The following KLF8 variants were observed in gnomAD, a reference collection of about 807,000 sequenced individuals.
The protein encoded by KLF8 is Krueppel-like factor 8.
KLF8 carries 10 observed loss-of-function variants against 18.2 expected under a neutral mutation model. The ratio of observed to expected loss-of-function variants is 0.55; its 90% CI spans 0.34 to 0.93. The LOEUF is 0.93. KLF8 is among the 40% of genes least tolerant of loss of function. The pLI, the probability that KLF8 is intolerant of heterozygous loss-of-function variation, is 0.02. For missense variants in KLF8, 264 were observed against 277.9 expected, an observed-to-expected ratio of 0.95 and a Z score of 0.36; for synonymous variants, 109 against 97.3, an observed-to-expected ratio of 1.12 and a Z score of -0.71.
chrX:56,058,318 A>ATG, the KLF8 span, among the ~76,000 whole-genome samples: 2 of 77,775 alleles, frequency 2.6e-5, no homozygotes, highest in African/African-American at 4.7e-5. Context: ...ATATATATAT[A>ATG]TATAGTGAGT....
the KLF8 span, among the ~76,000 whole-genome samples, chrX:56,087,638 G>T: frequency 7.2e-5 from 8 of 111,428 alleles, no homozygotes; most frequent in Admixed American, 5.8e-4. Flanking sequence ...AGCAATGAGA[G>T]AACAGACTAC....
the KLF8 span, among the ~76,000 whole-genome samples, chrX:56,031,240 CAGGTA>C: frequency 9.0e-6 from 1 of 111,720 alleles, no homozygotes. Flanking sequence ...AAACAAAGAA[CAGGTA>C]AAGAGGGCAC....
At chrX:56,096,874 A>G in the KLF8 span, among the ~76,000 whole-genome samples, 3 of 111,506 alleles carry the variant, frequency 2.7e-5, no homozygotes, top group Non-Finnish European at 5.7e-5. Flanking sequence ...TTAAGATGAT[A>G]CTAAACATTT....
At chrX:56,247,766 GACA>G (rs1453522440) in intron 1 of KLF8, among the ~76,000 whole-genome samples, 1 of 110,773 alleles carries the variant, frequency 9.0e-6, no homozygotes, top group African/African-American at 3.3e-5. Context: ...CGTCTGGTAT[GACA>G]ACAATACCTT....
chrX:56,058,601 G>A, the KLF8 span, among the ~76,000 whole-genome samples: 16 of 106,324 alleles, frequency 1.5e-4, no homozygotes, highest in Admixed American at 1.0e-4. Flanking sequence ...GAACATGTGG[G>A]GTTTTGTTTT....
the KLF8 span, among the ~76,000 whole-genome samples, chrX:55,938,633 T>G: frequency 9.0e-6 from 1 of 110,576 alleles, no homozygotes; most frequent in Non-Finnish European, 1.9e-5. Context: ...GAAACCCATC[T>G]CACGTGCAGA....
the KLF8 span, among the ~76,000 whole-genome samples, chrX:56,086,599 T>A: frequency 1.4e-4 from 16 of 111,005 alleles, no homozygotes. Context: ...AACACAGACA[T>A]TTTTTTCTAA....
the KLF8 span, among the ~76,000 whole-genome samples, chrX:56,164,067 C>T: frequency 2.3e-4 from 25 of 108,051 alleles, no homozygotes; most frequent in African/African-American, 8.4e-4. Flanking sequence ...ACTGGCTTGG[C>T]TATTCAGGCT....
chrX:55,956,120 T>C, the KLF8 span, among the ~76,000 whole-genome samples: 1 of 81,292 alleles, frequency 1.2e-5, no homozygotes, highest in Non-Finnish European at 2.3e-5. Flanking sequence ...CTAATAAATA[T>C]CTATCTATTT....
the KLF8 span, among the ~76,000 whole-genome samples, chrX:56,107,924 C>A: frequency 8.9e-6 from 1 of 111,836 alleles, no homozygotes; most frequent in South Asian, 3.8e-4. Context: ...AATCTTTCAC[C>A]TCCTTGGTAA....
At chrX:55,988,349 T>A in the KLF8 span, among the ~76,000 whole-genome samples, 1 of 111,772 alleles carries the variant, frequency 8.9e-6, no homozygotes, top group East Asian at 2.8e-4. Flanking sequence ...AACATGTAAG[T>A]CTTTAATCCA....
upstream of KLF8, among the ~76,000 whole-genome samples, chrX:56,229,707 C>T (rs971399217): frequency 3.6e-5 from 4 of 111,729 alleles, no homozygotes; most frequent in African/African-American, 1.3e-4. Flanking sequence ...CAGAGGCCAT[C>T]TCTAAAGGAC....
At chrX:56,248,931 G>T (rs2066664689) in intron 1 of KLF8, among the ~76,000 whole-genome samples, 1 of 111,170 alleles carries the variant, frequency 9.0e-6, no homozygotes, top group Non-Finnish European at 1.9e-5. Context: ...TTCTGTCACT[G>T]TCATCAAAAA....
At chrX:56,077,418 T>G in the KLF8 span, among the ~76,000 whole-genome samples, 1 of 112,050 alleles carries the variant, frequency 8.9e-6, no homozygotes, top group Non-Finnish European at 1.9e-5. Context: ...CCATTTCTTG[T>G]TTTTCTCACG....
chrX:56,093,144 C>T, the KLF8 span, among the ~76,000 whole-genome samples: 23 of 110,812 alleles, frequency 2.1e-4, no homozygotes, highest in East Asian at 2.3e-3. Context: ...AACAGTGATG[C>T]CTGAAAATTT....
At chrX:55,968,856 A>G in the KLF8 span, among the ~76,000 whole-genome samples, 1 of 111,927 alleles carries the variant, frequency 8.9e-6, no homozygotes, top group Non-Finnish European at 1.9e-5. Context: ...ACAGACTGAT[A>G]CAGAAGGTCA....
chrX:55,924,848 GC>G, the KLF8 span, among the ~76,000 whole-genome samples: 2 of 62,948 alleles, frequency 3.2e-5, no homozygotes, highest in African/African-American at 1.0e-4. Context: ...TTTGTTTTTT[GC>G]TTTTTTTTTT....
chrX:56,205,168 G>A, the KLF8 span, among the ~76,000 whole-genome samples: 1 of 110,864 alleles, frequency 9.0e-6, no homozygotes, highest in Non-Finnish European at 1.9e-5. Flanking sequence ...AAAATGTGAG[G>A]TTTGTAACTT....
the KLF8 span, among the ~76,000 whole-genome samples, chrX:56,044,921 C>T: frequency 8.9e-6 from 1 of 112,431 alleles, no homozygotes; most frequent in African/African-American, 3.2e-5. Context: ...TAAGTCCAAT[C>T]TATTTTTGTT....
Sources: gnomAD v4.1 joint callset for allele counts (sites outside exome capture counted in the v4.1 genomes callset) on GRCh38, gnomAD v4.1.1 for gene constraint, MANE v1.5 for transcripts, NCBI Gene and HGNC (gene_info 2026-07-23, HGNC 2026-07-21) for gene names.